Variants in C4orf51 observed in about 807,000 individuals in gnomAD.
C4orf51 encodes the protein chromosome 4 open reading frame 51, also known as uncharacterized protein C4orf51.
In C4orf51, 25 loss-of-function variants were observed where a neutral mutation model predicts 25.2. That is an observed-to-expected ratio of 0.99 (90% CI 0.72 to 1.39). The LOEUF (loss-of-function observed/expected upper bound fraction) is 1.39, where lower values mean the gene tolerates loss of function less well. Among genes scored for constraint, C4orf51 ranks in the 40% most tolerant of loss-of-function variants. C4orf51 has a pLI of 0.00. For missense variants in C4orf51, 252 were observed against 239.6 expected (o/e 1.05, Z -0.34); for synonymous variants, 100 against 84.5 (o/e 1.18, Z -1.01).
chr4:145,779,355 C>G, the C4orf51 span: 5 of 1,612,652 alleles, frequency 3.1e-6, no homozygotes, highest in Non-Finnish European at 3.4e-6. Flanking sequence ...GGCTGACAGC[C>G]CAGGCCCTAC....
At chr4:145,730,048 C>T in intron 5 of C4orf51, 83 bp downstream of exon 5, 1 of 1,148,736 alleles carries the variant, frequency 8.7e-7, no homozygotes, top group Non-Finnish European at 1.3e-6. Context: ...TACATGGCAG[C>T]AGGGGTGGTG....
chr4:145,779,668 C>A, the C4orf51 span, among the ~76,000 whole-genome samples: 1 of 152,230 alleles, frequency 6.6e-6, no homozygotes, highest in Non-Finnish European at 1.5e-5. Flanking sequence ...CATTTCCTGT[C>A]TCTAAGAAGG....
At chr4:145,696,492 C>A in intron 1 of C4orf51, 67 bp from the exon 2 acceptor site, 2 of 1,279,460 alleles carry the variant, frequency 1.6e-6, no homozygotes, top group South Asian at 1.2e-5. Flanking sequence ...CCCTGTAAGT[C>A]CACAGGCTTC....
intron 2 of C4orf51, among the ~76,000 whole-genome samples, chr4:145,718,172 A>C (rs764335804): frequency 1.3e-5 from 2 of 152,212 alleles, no homozygotes; most frequent in Non-Finnish European, 2.9e-5. Context: ...GGTCTCTTTT[A>C]TTCTTGCTGT....
At chr4:145,791,499 G>T in the C4orf51 span, among the ~76,000 whole-genome samples, 2 of 152,144 alleles carry the variant, frequency 1.3e-5, no homozygotes, top group Admixed American at 6.5e-5. Flanking sequence ...TCCTGTGAAC[G>T]TATGTCATAA....
chr4:145,781,747 T>G, the C4orf51 span, among the ~76,000 whole-genome samples: 1 of 152,180 alleles, frequency 6.6e-6, no homozygotes, highest in Non-Finnish European at 1.5e-5. Flanking sequence ...TTTCAGTATA[T>G]CAGTAGCTCC....
intron 2 of C4orf51, among the ~76,000 whole-genome samples, chr4:145,712,688 A>G (rs1731197408): frequency 6.6e-6 from 1 of 152,250 alleles, no homozygotes; most frequent in African/African-American, 2.4e-5. Flanking sequence ...AGAAGCTGCA[A>G]CAAGCTATCC....
At chr4:145,773,057 G>GT (rs1417478571), downstream of C4orf51, among the ~76,000 whole-genome samples, 1 of 152,116 alleles carries the variant, frequency 6.6e-6, no homozygotes, top group Non-Finnish European at 1.5e-5. Context: ...TTTCAACTGG[G>GT]TTCAGGTATA....
intron 2 of C4orf51, among the ~76,000 whole-genome samples, chr4:145,719,786 C>T (rs59883599): frequency 0.21 from 31,893 of 151,864 alleles, 3,505 homozygotes; most frequent in Middle Eastern, 0.29. Context: ...TTCCGTGATG[C>T]GCTAAAGGAG....
At position 145,765,510 on chromosome 4, in the gene C4orf51, G is replaced by T. The variant is rs375267951; in HGVS notation, n.167-5478G>T. On this transcript the variant is annotated intron_variant and non_coding_transcript_variant, in intron 1 of 1. Transcript: ENST00000510096. The surrounding 1 kb of genome is among the most constrained non-coding windows in gnomAD (Gnocchi z 4.7). ...CTCAAGAATGGGTCATCCTGGGTGC[G>T]GAGGGTTGAGCAGGCTCACACCCAC... 6.3e-7 allele frequency: 1 copy of T among 1,575,064 alleles called. No homozygotes were observed. The highest frequency in any genetic ancestry group is 8.6e-7 in the Non-Finnish European group (1 of 1,161,656).
chr4:145,688,470 G>A (rs1729319015), intron 1 of C4orf51, among the ~76,000 whole-genome samples: 1 of 152,108 alleles, frequency 6.6e-6, no homozygotes, highest in African/African-American at 2.4e-5. Context: ...TGGATCATGG[G>A]GGCAGTTCCC....
chr4:145,748,988 G>A (rs1340241110), intron 1 of C4orf51, among the ~76,000 whole-genome samples: 3 of 150,830 alleles, frequency 2.0e-5, no homozygotes, highest in Non-Finnish European at 4.4e-5. Flanking sequence ...AGCTATTATT[G>A]TATTGGGGTC....
downstream of C4orf51, among the ~76,000 whole-genome samples, chr4:145,775,617 G>A (rs763747784): frequency 6.6e-6 from 1 of 152,112 alleles, no homozygotes; most frequent in Admixed American, 6.5e-5. Flanking sequence ...CAAACCAAGA[G>A]AGGAGTCTGT....
chr4:145,729,181 T>A lies in C4orf51; in HGVS notation c.379T>A (p.Trp127Arg). The A allele has an allele frequency of 6.2e-7, 1 of 1,605,736 alleles. No homozygotes were observed. The highest frequency in any genetic ancestry group is 1.1e-5 in the South Asian group (1 of 90,458). The change falls in exon 4 of 6, where the codon TGG (tryptophan) becomes AGG (arginine). Residue 127 changes from tryptophan to arginine, a missense_variant. Trp to Arg is a moderately radical substitution (Grantham distance 101). Coordinates refer to ENST00000438731, the MANE Select transcript of C4orf51 (RefSeq NM_001080531.3). ...CTCCTTTTTATAGGCACATCAAATT[T>A]GGGATTTTGGTGATTGTTTTCCGAC... ...DVKHGVAHQI[W>R]DFGDCFPTPP...
chr4:145,725,397 C>T (rs2126759698), intron 2 of C4orf51, among the ~76,000 whole-genome samples: 1 of 152,092 alleles, frequency 6.6e-6, no homozygotes, highest in African/African-American at 2.4e-5. Context: ...AAAGGTTAAA[C>T]AAAAATTAAT....
intron 5 of C4orf51, among the ~76,000 whole-genome samples, chr4:145,731,706 C>A (rs775340496): frequency 6.6e-6 from 1 of 150,532 alleles, no homozygotes; most frequent in Non-Finnish European, 1.5e-5. Context: ...CTCAGCCTCC[C>A]GAGTAACTGG....
At chr4:145,785,722 C>T in the C4orf51 span, among the ~76,000 whole-genome samples, 1 of 152,210 alleles carries the variant, frequency 6.6e-6, no homozygotes, top group Non-Finnish European at 1.5e-5. Flanking sequence ...GCTAGTGACT[C>T]TGGGAGAGCA....
Position 145,688,040 on chromosome 4 carries a change from C to CA in C4orf51, c.233+7609dup, listed in dbSNP as rs1390950052. On this transcript the variant is annotated intron_variant, in intron 1 of 5. Transcript: ENST00000438731. ...GCAACATAGTGAGACTTCATCTCTG[C>CA]AAAAATCAAAAAAATAGCCAGGTGG... is the stretch of plus-strand genomic sequence containing the variant. Among the ~76,000 whole-genome samples the CA allele has an allele frequency of 4.4e-5, 6 of 137,284 alleles. No individual in the cohort carries two copies. The East Asian group carries it at 1.2e-3, about 28-fold the overall frequency. 90.1% of individuals were successfully genotyped at this position (137,284 alleles called of 152,430 possible). A position where few individuals can be genotyped will look rare whatever the true frequency, so the allele number is the denominator to read the frequency against.
intron 5 of C4orf51, 71 bp from the exon 6 acceptor site, chr4:145,732,382 A>G: frequency 1.1e-6 from 1 of 912,830 alleles, no homozygotes; most frequent in Middle Eastern, 2.1e-4. Flanking sequence ...GAGACCATTT[A>G]ATTCCCAATT....
Sources: gnomAD v4.1 joint callset for allele counts (sites outside exome capture counted in the v4.1 genomes callset) on GRCh38, gnomAD v4.1.1 for gene constraint, Gnocchi (gnomAD v3.1) non-coding constraint, MANE v1.5 for transcripts, NCBI Gene and HGNC (gene_info 2026-07-23, HGNC 2026-07-21) for gene names.